Variants in VAPB observed in about 807,000 individuals in gnomAD.
The protein encoded by VAPB is vesicle-associated membrane protein-associated protein B/C.
In VAPB, 7 loss-of-function variants were observed where a neutral mutation model predicts 25.6. The ratio of observed to expected loss-of-function variants is 0.27; its 90% confidence interval spans 0.16 to 0.51. The LOEUF is 0.51. VAPB is among the 20% of genes least tolerant of loss of function. The probability of loss-of-function intolerance (pLI) is 0.97; values close to 1 mark genes in which losing one functional copy is unlikely to be tolerated. For missense variants in VAPB, 266 were observed against 301.3 expected, an observed-to-expected ratio of 0.88 and a Z score of 0.87; for synonymous variants, 112 against 109.2, an observed-to-expected ratio of 1.03 and a Z score of -0.16.
intron 4 of VAPB, chr20:58,439,854 C>T (rs1023793867): frequency 3.3e-5 from 5 of 152,116 alleles, no homozygotes; most frequent in African/African-American, 1.2e-4. Flanking sequence ...TCAACCTAGT[C>T]GAAAACATTT....
Position 58,389,345 on chromosome 20 carries a change from G to A in VAPB, c.-115G>A, listed in dbSNP as rs111312823. On this transcript the variant is annotated 5_prime_UTR_variant, in exon 1 of 6. Transcript: ENST00000475243. ...CACCCGGTAGAGGACCCCCGCCCGT[G>A]CCCCGACCGGTCCCCGCCTTTTTGT... 12 of 1,138,738 alleles carry A rather than the reference G, an allele frequency of 1.1e-5. No individual in the cohort carries two copies. Among genetic ancestry groups the A allele is most frequent in the African/African-American group, 3.3e-5 (2 of 59,952 alleles). 70.5% of individuals were successfully genotyped at this position (1,138,738 alleles called of 1,614,324 possible).
At chr20:58,430,804 G>A (rs1468684901) in intron 2 of VAPB, among the ~76,000 whole-genome samples, 1 of 152,076 alleles carries the variant, frequency 6.6e-6, no homozygotes. Context: ...TGGAACTCTT[G>A]ACCTCAGGTG....
intron 1 of VAPB, among the ~76,000 whole-genome samples, chr20:58,412,664 AG>A (rs1379813343): frequency 6.6e-6 from 1 of 151,576 alleles, no homozygotes; most frequent in African/African-American, 2.4e-5. Context: ...GCTATGCTTG[AG>A]GTAATACAGA....
In VAPB at chr20:58,418,340, C is replaced by T; in HGVS notation, c.188C>T (p.Ala63Val). The T allele has an allele frequency of 1.9e-6, 3 of 1,614,146 alleles. No individual in the cohort carries two copies. Among genetic ancestry groups the T allele is most frequent in the Non-Finnish European group, 2.5e-6 (3 of 1,180,012 alleles). ...AGGCCCAACAGCGGAATCATCGATG[C>T]AGGGGCCTCAATTAATGTATCTGGT... ...CVRPNSGIID[A>V]GASINVSVML... The change falls in exon 2 of 6, where the codon GCA becomes GTA. Residue 63 changes from alanine to valine, a missense_variant. Physicochemically the swap from Ala to Val is moderately conservative, Grantham distance 64. Transcript: ENST00000475243.
At chr20:58,398,503 G>A (rs2067941047) in intron 1 of VAPB, among the ~76,000 whole-genome samples, 1 of 152,194 alleles carries the variant, frequency 6.6e-6, no homozygotes, top group East Asian at 1.9e-4. Context: ...GGTTGCACTG[G>A]GGACCTGGGA....
rs1989302673 is a variant in VAPB, at chr20:58,446,749, A to G, written c.*2514A>G. The G allele has an allele frequency of 4.4e-6, 2 of 454,006 alleles. No homozygotes were observed. Among genetic ancestry groups the G allele is most frequent in the Non-Finnish European group, 8.8e-6 (2 of 226,796 alleles). 28.1% of individuals were successfully genotyped at this position (454,006 alleles called of 1,614,324 possible). The stretch of plus-strand genomic sequence containing the variant: ...ACTGAGTGGCAGAAGGAAACTGCTC[A>G]GGAAGAGAAACAGGTGACTGATGGG... On this transcript the variant is annotated 3_prime_UTR_variant, in exon 6 of 6. Transcript: ENST00000475243.
chr20:58,428,815 ATAG>A (rs1988864695), intron 2 of VAPB, among the ~76,000 whole-genome samples: 1 of 152,212 alleles, frequency 6.6e-6, no homozygotes, highest in African/African-American at 2.4e-5. Flanking sequence ...ACATGAGATG[ATAG>A]TAGCTGAGAA....
Position 58,446,513 on chromosome 20 carries a change from T to G in VAPB, c.*2278T>G, listed in dbSNP as rs1445832405. ...AAACAGCCGGGTCATGGGATTTGGC[T>G]TGTGAGTCTGTAACAGTTCTTAAAA... On this transcript the variant is annotated 3_prime_UTR_variant, in exon 6 of 6. Coordinates refer to ENST00000475243, the MANE Select transcript of VAPB (RefSeq NM_004738.5). 2 of 453,958 alleles carry G rather than the reference T, an allele frequency of 4.4e-6. No individual in the cohort carries two copies. Among genetic ancestry groups the G allele is most frequent in the Non-Finnish European group, 8.8e-6 (2 of 226,776 alleles). 28.1% of individuals were successfully genotyped at this position (453,958 alleles called of 1,614,324 possible).
chr20:58,410,667 C>A (rs80077402), intron 1 of VAPB, among the ~76,000 whole-genome samples: 5 of 152,054 alleles, frequency 3.3e-5, no homozygotes, highest in Non-Finnish European at 7.4e-5. Context: ...TCCGCCCCCC[C>A]GCCCCACTCA....
chr20:58,414,778 C>T (rs561327855), intron 1 of VAPB, among the ~76,000 whole-genome samples: 4 of 150,062 alleles, frequency 2.7e-5, no homozygotes, highest in Non-Finnish European at 4.4e-5. Flanking sequence ...ACATCCCAGA[C>T]GATGGGTGGC....
chr20:58,444,038 G>A (rs772404991), intron 5 of VAPB, 39 bp from the exon 6 acceptor site: 5 of 1,614,120 alleles, frequency 3.1e-6, no homozygotes, highest in Non-Finnish European at 4.2e-6. Flanking sequence ...CCTTTCTGGT[G>A]CCTTGGCTTG....
chr20:58,416,796 G>C (rs1448039278), intron 1 of VAPB, among the ~76,000 whole-genome samples: 1 of 151,078 alleles, frequency 6.6e-6, no homozygotes, highest in Non-Finnish European at 1.5e-5. Context: ...CACCTCAAGA[G>C]TAGAGACACC....
At chr20:58,423,946 T>C (rs962665508) in intron 2 of VAPB, among the ~76,000 whole-genome samples, 3 of 152,228 alleles carry the variant, frequency 2.0e-5, no homozygotes, top group Non-Finnish European at 4.4e-5. Flanking sequence ...TCAGCTTAAT[T>C]ACGCTTTTAA....
rs1455466729 is a variant in VAPB at position 58,447,905 on chromosome 20, T to G, written c.*3670T>G. ...GGTCTTGGGCTTCCCAGTGTCACTTTGAACACCTGAATAACATTTAACTCC... is the reference window on the plus strand; with the variant it reads ...GGTCTTGGGCTTCCCAGTGTCACTTGGAACACCTGAATAACATTTAACTCC... On this transcript the variant is annotated 3_prime_UTR_variant, in exon 6 of 6. Transcript: ENST00000475243. 2.2e-6 allele frequency: 1 copy of G among 453,726 alleles called. No individual in the cohort carries two copies. The highest frequency in any genetic ancestry group is 4.4e-6 in the Non-Finnish European group (1 of 226,672). 28.1% of individuals were successfully genotyped at this position (453,726 alleles called of 1,614,324 possible).
Position 58,448,472 on chromosome 20 carries a change from TGGGGG to T in VAPB, c.*4239_*4243del. On this transcript the variant is annotated 3_prime_UTR_variant, in exon 6 of 6. Transcript: ENST00000475243. ...TGAACTTAATCCTTGCAACTGTGAC[TGGGGG>T]GTAGATGGCTCTGTTTGCATACGAA... The T allele has an allele frequency of 2.2e-6, 1 of 454,088 alleles. No homozygotes were observed. The highest frequency in any genetic ancestry group is 1.6e-5 in the South Asian group (1 of 64,472). 28.1% of individuals were successfully genotyped at this position (454,088 alleles called of 1,614,324 possible).
At chr20:58,398,619 G>A (rs1988020354) in intron 1 of VAPB, among the ~76,000 whole-genome samples, 1 of 152,234 alleles carries the variant, frequency 6.6e-6, no homozygotes, top group South Asian at 2.1e-4. Flanking sequence ...AGAAAAAGCT[G>A]TGTTAATTCT....
At chr20:58,415,171 G>C (rs1360898685) in intron 1 of VAPB, among the ~76,000 whole-genome samples, 1 of 152,214 alleles carries the variant, frequency 6.6e-6, no homozygotes, top group African/African-American at 2.4e-5. Flanking sequence ...ACCTCTTATT[G>C]CCTTAAACAC....
In VAPB at chr20:58,418,333, A is replaced by T; in HGVS notation, c.181A>T (p.Ile61Phe). The change falls in exon 2 of 6, where the codon ATC becomes TTC. Residue 61 changes from isoleucine to phenylalanine, a missense_variant. Ile to Phe is a conservative substitution (Grantham distance 21). Around this residue, in one of 3 missense-constraint regions of VAPB, gnomAD observed 98 missense variants for 147.1 expected, o/e 0.67. Coordinates refer to ENST00000475243, the MANE Select transcript of VAPB (RefSeq NM_004738.5). ...RYCVRPNSGIIDAGASINVSV... is the reference protein window; with the variant it reads ...RYCVRPNSGIFDAGASINVSV... ...CTGTGTGAGGCCCAACAGCGGAATC[A>T]TCGATGCAGGGGCCTCAATTAATGT... 1 of 1,614,178 alleles carries T rather than the reference A, an allele frequency of 6.2e-7. No individual in the cohort carries two copies. The highest frequency in any genetic ancestry group is 8.5e-7 in the Non-Finnish European group (1 of 1,180,024).
At chr20:58,426,551 C>T (rs761855087) in intron 2 of VAPB, among the ~76,000 whole-genome samples, 7 of 152,194 alleles carry the variant, frequency 4.6e-5, no homozygotes, top group East Asian at 1.9e-4. Context: ...CTGAGTGATG[C>T]GCACACCTGT....
Sources: allele counts gnomAD v4.1 joint callset (sites outside exome capture counted in the v4.1 genomes callset), GRCh38; gene constraint gnomAD v4.1.1; regional missense constraint gnomAD v4.1.1; transcripts MANE v1.5; gene names NCBI Gene and HGNC (gene_info 2026-07-23, HGNC 2026-07-21).